Variants in MSMB observed in about 807,000 individuals in gnomAD.
MSMB encodes the protein microseminoprotein beta.
In MSMB, 10 loss-of-function variants were observed where a neutral mutation model predicts 10.5. That is an observed-to-expected ratio of 0.95 (90% confidence interval 0.59 to 1.62). The LOEUF (loss-of-function observed/expected upper bound fraction) is 1.62. Among genes scored for constraint, MSMB ranks in the 40% most tolerant of loss-of-function variants. The pLI, the probability that MSMB is intolerant of heterozygous loss-of-function variation, is 0.00. For synonymous variants in MSMB, 43 were observed against 46.5 expected, an observed-to-expected ratio of 0.93 and a Z score of 0.30; for missense variants, 126 against 137.4, an observed-to-expected ratio of 0.92 and a Z score of 0.42.
In MSMB at chr10:46,045,721, G is replaced by A. The variant is rs543461571; in HGVS notation, c.3+514C>T. Among the ~76,000 whole-genome samples, 5 of 152,080 alleles carry A rather than the reference G, an allele frequency of 3.3e-5. No individual in the cohort carries two copies. The South Asian group carries it at 1.0e-3, about 32-fold the overall frequency. ...AATCAGAGTGTCGGGGTGGAAGATG[G>A]GTGTCAGTGTTCTTCAAAATTCCCC... On this transcript the variant is annotated intron_variant, in intron 1 of 3. Coordinates refer to ENST00000582163, the MANE Select transcript of MSMB (RefSeq NM_002443.4).
intron 1 of MSMB, 90 bp downstream of exon 1, chr10:46,046,145 T>C: frequency 7.7e-7 from 1 of 1,305,246 alleles, no homozygotes; most frequent in Non-Finnish European, 1.1e-6. Context: ...TACCATTCAA[T>C]GCTATGTGGT....
intron 2 of MSMB, among the ~76,000 whole-genome samples, chr10:46,039,522 C>T (rs1590195256): frequency 6.6e-6 from 1 of 152,336 alleles, no homozygotes; most frequent in East Asian, 1.9e-4. Context: ...ATGTCTCAGC[C>T]TTACCCTAGA....
chr10:46,035,004 A>G (rs1480310108), intron 3 of MSMB, among the ~76,000 whole-genome samples: 3 of 152,112 alleles, frequency 2.0e-5, no homozygotes, highest in Non-Finnish European at 2.9e-5. Context: ...TAAATAAATA[A>G]AAATAGAATG....
intron 1 of MSMB, among the ~76,000 whole-genome samples, chr10:46,043,957 GAGCCACC>G (rs1840816478): frequency 6.6e-6 from 1 of 152,100 alleles, no homozygotes; most frequent in Non-Finnish European, 1.5e-5. Context: ...TTATGGGCGT[GAGCCACC>G]GCGCCCAACC....
chr10:46,039,339 C>G (rs183417265), intron 2 of MSMB, among the ~76,000 whole-genome samples: 15 of 152,290 alleles, frequency 9.8e-5, no homozygotes, highest in Non-Finnish European at 1.5e-5. Flanking sequence ...AAAAATAAGG[C>G]CCTTTTATTG....
At chr10:46,045,792 G>A (rs1404849164) in intron 1 of MSMB, among the ~76,000 whole-genome samples, 1 of 152,168 alleles carries the variant, frequency 6.6e-6, no homozygotes, top group East Asian at 1.9e-4. Flanking sequence ...CTGGCAGGGA[G>A]AGAGGAATGC....
At chr10:46,046,163 C>T in intron 1 of MSMB, 72 bp downstream of exon 1, 2 of 1,445,030 alleles carry the variant, frequency 1.4e-6, no homozygotes, top group Non-Finnish European at 1.9e-6. Flanking sequence ...GGTAGAAGCA[C>T]ACGCATATTA....
chr10:46,035,393 GC>G (rs1338906707), intron 3 of MSMB, among the ~76,000 whole-genome samples: 1 of 152,180 alleles, frequency 6.6e-6, no homozygotes, highest in East Asian at 1.9e-4. Context: ...TATCCAACAG[GC>G]AGAAGCAACT....
At chr10:46,038,932 T>TC (rs1181691619) in intron 3 of MSMB, 34 bp downstream of exon 3, 2 of 1,562,958 alleles carry the variant, frequency 1.3e-6, no homozygotes, top group East Asian at 4.5e-5. Context: ...AACAGCTATG[T>TC]CCCCCTCTTG....
chr10:46,044,761 G>A (rs1336024160), intron 1 of MSMB, among the ~76,000 whole-genome samples: 1 of 151,528 alleles, frequency 6.6e-6, no homozygotes, highest in Non-Finnish European at 1.5e-5. Flanking sequence ...AGACCAGCCT[G>A]GGCAACATAG....
intron 1 of MSMB, among the ~76,000 whole-genome samples, chr10:46,043,802 G>C (rs1302631001): frequency 6.6e-6 from 1 of 152,134 alleles, no homozygotes; most frequent in South Asian, 2.1e-4. Flanking sequence ...AGCCTCCTGA[G>C]TAGCTGGGAT....
At chr10:46,045,159 G>A (rs1176065709) in intron 1 of MSMB, among the ~76,000 whole-genome samples, 1 of 152,072 alleles carries the variant, frequency 6.6e-6, no homozygotes, top group Non-Finnish European at 1.5e-5. Context: ...AGTCCCCAGC[G>A]TTAGTAAAGA....
intron 1 of MSMB, among the ~76,000 whole-genome samples, chr10:46,043,405 C>T (rs1373083361): frequency 2.0e-5 from 3 of 151,320 alleles, no homozygotes; most frequent in Non-Finnish European, 4.4e-5. Flanking sequence ...GTCTCTCTCT[C>T]TCTCTCCCTC....
rs377623879 is a variant in MSMB at position 46,033,400 on chromosome 10, C to T, written c.*22G>A. The T allele has an allele frequency of 5.6e-6, 9 of 1,612,346 alleles. No homozygotes were observed. The highest frequency in any genetic ancestry group is 7.6e-6 in the Non-Finnish European group (9 of 1,178,836). On this transcript the variant is annotated 3_prime_UTR_variant, in exon 4 of 4. Coordinates refer to ENST00000582163, the MANE Select transcript of MSMB (RefSeq NM_002443.4). ...AGGAGAATGAGGCCTGGCCTGGGAGCCCTGTGCCTACTAGAAGCACATTAG... is the reference window on the plus strand; with the variant it reads ...AGGAGAATGAGGCCTGGCCTGGGAGTCCTGTGCCTACTAGAAGCACATTAG...
chr10:46,033,591 G>A, intron 3 of MSMB, 40 bp from the exon 4 acceptor site: 1 of 1,607,988 alleles, frequency 6.2e-7, no homozygotes, highest in African/African-American at 1.3e-5. Context: ...AGAAGAGAAA[G>A]GACCCCGAGC....
chr10:46,040,553 G>A (rs556095819), intron 1 of MSMB, among the ~76,000 whole-genome samples: 16 of 152,360 alleles, frequency 1.1e-4, no homozygotes, highest in Non-Finnish European at 1.9e-4. Context: ...TAGCTGACAT[G>A]ATGAGAAAGT....
intron 3 of MSMB, among the ~76,000 whole-genome samples, chr10:46,036,628 C>T (rs148818595): frequency 6.6e-6 from 1 of 152,340 alleles, no homozygotes; most frequent in African/African-American, 2.4e-5. Context: ...CAGAAACTGA[C>T]TCAGGGTCAC....
chr10:46,045,493 A>G (rs2132428196), intron 1 of MSMB, among the ~76,000 whole-genome samples: 1 of 152,258 alleles, frequency 6.6e-6, no homozygotes, highest in African/African-American at 2.4e-5. Flanking sequence ...TGACTGCACC[A>G]CTGCACTCCA....
intron 3 of MSMB, among the ~76,000 whole-genome samples, chr10:46,035,261 C>A (rs1554927407): frequency 6.6e-6 from 1 of 152,240 alleles, no homozygotes; most frequent in Admixed American, 6.5e-5. Context: ...CCATATGACC[C>A]AGAAAGCTAC....
Sources: gnomAD v4.1 joint callset for allele counts (sites outside exome capture counted in the v4.1 genomes callset) on GRCh38, gnomAD v4.1.1 for gene constraint, MANE v1.5 for transcripts, NCBI Gene and HGNC (gene_info 2026-07-23, HGNC 2026-07-21) for gene names.